The following CPZ variants were observed in gnomAD, a reference collection of about 807,000 sequenced individuals.
CPZ encodes carboxypeptidase Z, also known as VEZT/CPZ fusion.
A neutral mutation model predicts 61.8 loss-of-function variants in CPZ; 103 were observed. The ratio of observed to expected loss-of-function variants is 1.67; its 90% CI spans 1.42 to 1.96. The LOEUF (loss-of-function observed/expected upper bound fraction) is 1.96. Among genes scored for constraint, CPZ ranks in the 30% most tolerant of loss-of-function variants. The pLI is 0.00. For missense variants in CPZ, 1,461 were observed against 914.9 expected, an observed-to-expected ratio of 1.60 and a Z score of -7.70; for synonymous variants, 551 against 373.7, an observed-to-expected ratio of 1.47 and a Z score of -5.47.
Position 8,612,094 on chromosome 4 carries a change from G to C in CPZ, c.1295G>C (p.Arg432Thr), listed in dbSNP as rs778856137. ...ATGATGATGGACAGGTCGGAGAATA[G>C]GTGTGGAGGCAATTTCCTGAAGAGG... ...HPMMMDRSEN[R>T]CGGNFLKRGS... Residue 432 changes from arginine (R) to threonine (T), a missense_variant, in exon 8 of 11, where the codon AGG (arginine) becomes ACG (threonine). Arg to Thr is a moderately conservative substitution (Grantham distance 71). Coordinates refer to ENST00000360986, the MANE Select transcript of CPZ (RefSeq NM_001014447.3). The C allele has an allele frequency of 1.9e-6, 3 of 1,613,220 alleles. No individual in the cohort carries two copies. Among genetic ancestry groups the C allele is most frequent in the Non-Finnish European group, 2.5e-6 (3 of 1,179,768 alleles).
In CPZ at chr4:8,611,040, T is replaced by G. The variant is rs1189500127; in HGVS notation, c.1228-987T>G. 2.7e-5 allele frequency: 10 copies of G among 368,260 alleles called. No homozygotes were observed. In the East Asian group the frequency reaches 3.8e-4, roughly 14 times the overall value. The allele number at this position is 368,260 out of a possible 1,614,324, so 22.8% of individuals were successfully genotyped here. A position where few individuals can be genotyped will look rare whatever the true frequency, so the allele number is the denominator to read the frequency against. ...TTCACTCATTCCCTCACTCTTTCAC[T>G]TGCTCACGCATTCGCTCACTCACTC... On this transcript the variant is annotated intron_variant, in intron 7 of 10. Coordinates refer to ENST00000360986, the MANE Select transcript of CPZ (RefSeq NM_001014447.3).
chr4:8,615,563 G>T (rs548736266), intron 9 of CPZ, among the ~76,000 whole-genome samples: 2 of 152,360 alleles, frequency 1.3e-5, no homozygotes, highest in East Asian at 3.9e-4. Context: ...CCCACACAGG[G>T]CAGCCGGTTC....
intron 2 of CPZ, 78 bp downstream of exon 2, chr4:8,599,563 C>T (rs1235107033): frequency 6.3e-7 from 1 of 1,590,266 alleles, no homozygotes; most frequent in South Asian, 1.1e-5. Context: ...CTTTAGGCAG[C>T]TGAATCCGTG....
chr4:8,617,433 G>A (rs1208985138), intron 9 of CPZ, among the ~76,000 whole-genome samples: 1 of 152,210 alleles, frequency 6.6e-6, no homozygotes, highest in Non-Finnish European at 1.5e-5. Flanking sequence ...CTGACCCTGT[G>A]GGCCCAGGCT....
chr4:8,609,931 C>T (rs1263551376), intron 7 of CPZ, among the ~76,000 whole-genome samples: 2 of 152,166 alleles, frequency 1.3e-5, no homozygotes, highest in Admixed American at 6.5e-5. Context: ...TTCCATGGTG[C>T]CCTACGGACG....
intron 7 of CPZ, among the ~76,000 whole-genome samples, chr4:8,609,059 A>ACTCCCCCATTCACTCACGTACTCACTCC (rs1553877573): frequency 3.4e-5 from 4 of 117,930 alleles, no homozygotes; most frequent in Non-Finnish European, 5.2e-5. Context: ...TCCCTCCCTC[A>ACTCCCCCATTCACTCACGTACTCACTCC]CTCCCTCACT....
chr4:8,615,982 C>G (rs560789188), intron 9 of CPZ, among the ~76,000 whole-genome samples: 1 of 152,218 alleles, frequency 6.6e-6, no homozygotes. Context: ...TATGAGCTCT[C>G]GCGCCAGGCC....
At chr4:8,612,221 G>GGGC in intron 8 of CPZ, 59 bp downstream of exon 8, 9 of 206,192 alleles carry the variant, frequency 4.4e-5, no homozygotes, top group East Asian at 1.6e-4. Flanking sequence ...GCTGGGTGGG[G>GGGC]CAGGGGCAAG....
At chr4:8,613,516 C>T (rs1175681615) in intron 8 of CPZ, among the ~76,000 whole-genome samples, 1 of 152,210 alleles carries the variant, frequency 6.6e-6, no homozygotes, top group Admixed American at 6.5e-5. Flanking sequence ...GTGACTGTGG[C>T]TACACTGGGG....
In CPZ at chr4:8,592,771, C is replaced by G. The variant is rs1401440610; in HGVS notation, c.-63C>G. The G allele has an allele frequency of 6.5e-6, 8 of 1,224,444 alleles. No homozygotes were observed. The highest frequency in any genetic ancestry group is 6.3e-5 in the African/African-American group (4 of 63,052). 75.8% of individuals were successfully genotyped at this position (1,224,444 alleles called of 1,614,324 possible). A position where few individuals can be genotyped will look rare whatever the true frequency, so the allele number is the denominator to read the frequency against. The stretch of plus-strand genomic sequence containing the variant: ...GCGGGAGCCCAGCGAGCGCAGAGCC[C>G]CGGCCCCGCGCGGCCCGAGTGCCAC... On this transcript the variant is annotated 5_prime_UTR_variant, in exon 1 of 11. Transcript: ENST00000360986.
At position 8,605,977 on chromosome 4, in the gene CPZ, A is replaced by T. The variant is rs1231763697; in HGVS notation, c.710-12A>T. The T allele has an allele frequency of 2.5e-6, 4 of 1,609,600 alleles. No homozygotes were observed. The highest frequency in any genetic ancestry group is 2.2e-5 in the South Asian group (2 of 90,940). ...TTGAGATGATGCCCCAAGTCTCTGTATTTGCCCCCAGTGGAGCCCGAGGTG... is the reference window on the plus strand; with the variant it reads ...TTGAGATGATGCCCCAAGTCTCTGTTTTTGCCCCCAGTGGAGCCCGAGGTG... On this transcript the variant is annotated splice_polypyrimidine_tract_variant and intron_variant, in intron 4 of 10. Transcript: ENST00000360986.
intron 1 of CPZ, among the ~76,000 whole-genome samples, chr4:8,599,159 T>C (rs754459764): frequency 1.1e-4 from 16 of 152,254 alleles, no homozygotes; most frequent in Non-Finnish European, 2.1e-4. Flanking sequence ...ATCAGGCTTG[T>C]GGGCACCATG....
At chr4:8,608,454 G>C (rs973282934) in intron 7 of CPZ, among the ~76,000 whole-genome samples, 10 of 152,192 alleles carry the variant, frequency 6.6e-5, no homozygotes, top group Non-Finnish European at 1.3e-4. Context: ...CGAGCACATA[G>C]CTGGGCCCCT....
chr4:8,615,743 C>T (rs530098593), intron 9 of CPZ, among the ~76,000 whole-genome samples: 7 of 152,298 alleles, frequency 4.6e-5, no homozygotes, highest in South Asian at 2.1e-4. Context: ...TGTCTGGTGT[C>T]GCCCAGATCT....
rs553556254 is a variant in CPZ at position 8,604,481 on chromosome 4, AT to A, written c.709+297del. Among the ~76,000 whole-genome samples, 669 of 151,806 alleles carry A rather than the reference AT, an allele frequency of 4.4e-3. 8 individuals are homozygous for A. Among genetic ancestry groups the A allele is most frequent in the African/African-American group, 0.015 (624 of 41,514 alleles). On this transcript the variant is annotated intron_variant, in intron 4 of 10. Coordinates refer to ENST00000360986, the MANE Select transcript of CPZ (RefSeq NM_001014447.3). ...TGAAAAGATATAAAACAAACAAGAA[AT>A]TTTATTTTATTTTTTTGAGACAGAG... is the stretch of plus-strand genomic sequence containing the variant.
intron 5 of CPZ, among the ~76,000 whole-genome samples, chr4:8,606,451 G>A (rs1318097776): frequency 6.6e-6 from 1 of 152,150 alleles, no homozygotes; most frequent in African/African-American, 2.4e-5. Flanking sequence ...TGTCAGCGGG[G>A]GGTCAGGGTA....
chr4:8,619,299 T>A lies in CPZ; in HGVS notation c.1641T>A (p.Gly547=). ...ACTACTGGAGACTGCTGCCCCCAGG[T>A]ATCCACATTGTCATTGCCCAAGCCC... The part of the protein sequence containing the change: ...DGDYWRLLPP[G]IHIVIAQAPG... The change falls in exon 11 of 11, where the codon GGT becomes GGA. Residue 547 remains glycine (G), a synonymous_variant. Transcript: ENST00000360986. The A allele has an allele frequency of 1.2e-6, 2 of 1,613,678 alleles. No individual in the cohort carries two copies. The highest frequency in any genetic ancestry group is 1.6e-4 in the Middle Eastern group (1 of 6,062).
At chr4:8,609,541 C>T (rs899463138) in intron 7 of CPZ, among the ~76,000 whole-genome samples, 10 of 137,538 alleles carry the variant, frequency 7.3e-5, no homozygotes, top group Admixed American at 6.1e-4. Flanking sequence ...GCGGCCTCCA[C>T]TTCTGGCCTG....
At chr4:8,606,516 T>C (rs1170153013) in intron 5 of CPZ, among the ~76,000 whole-genome samples, 1 of 152,026 alleles carries the variant, frequency 6.6e-6, no homozygotes, top group Non-Finnish European at 1.5e-5. Context: ...GGCGCCCCAC[T>C]CAGGGGGAGC....
Sources: allele counts gnomAD v4.1 joint callset (sites outside exome capture counted in the v4.1 genomes callset), GRCh38; gene constraint gnomAD v4.1.1; transcripts MANE v1.5; gene names NCBI Gene and HGNC (gene_info 2026-07-23, HGNC 2026-07-21).